FAF1: variants seen among roughly 807,000 people sequenced by gnomAD.
FAF1 encodes the protein Fas associated factor 1, also known as FAS-associated factor 1.
Under a neutral mutation model 92.5 loss-of-function variants are expected in FAF1, and 25 were observed. The observed-to-expected ratio is 0.27, with a 90% CI of 0.20 to 0.38. The LOEUF (loss-of-function observed/expected upper bound fraction) is 0.38, where lower values mean the gene tolerates loss of function less well. Among genes scored for constraint, FAF1 ranks in the 10% least tolerant of loss-of-function variants. The pLI, the probability that FAF1 is intolerant of heterozygous loss-of-function variation, is 1.00. For synonymous variants in FAF1, 234 were observed against 273.2 expected (o/e 0.86, Z 1.42); for missense variants, 636 against 793.3 (o/e 0.80, Z 2.38).
intron 2 of FAF1, among the ~76,000 whole-genome samples, chr1:50,815,128 A>G (rs761650864): frequency 6.6e-6 from 1 of 152,060 alleles, no homozygotes; most frequent in Non-Finnish European, 1.5e-5. Context: ...ACATCTGCCG[A>G]TTTGTTACAT....
At chr1:50,496,548 C>T (rs1251144145) in intron 15 of FAF1, among the ~76,000 whole-genome samples, 1 of 152,204 alleles carries the variant, frequency 6.6e-6, no homozygotes, top group African/African-American at 2.4e-5. Flanking sequence ...AGAAGCCCCA[C>T]TGTGACCAGA....
At chr1:50,566,178 T>C (rs1010461042) in intron 13 of FAF1, among the ~76,000 whole-genome samples, 1 of 152,108 alleles carries the variant, frequency 6.6e-6, no homozygotes, top group Admixed American at 6.5e-5. Flanking sequence ...AATCATGTTC[T>C]TTTCTGATTC....
intron 2 of FAF1, among the ~76,000 whole-genome samples, chr1:50,807,290 G>C (rs890117728): frequency 6.6e-6 from 1 of 152,166 alleles, no homozygotes; most frequent in Non-Finnish European, 1.5e-5. Context: ...CTTCAGACTG[G>C]GTAATTTATA....
chr1:50,659,147 T>G (rs1420697486), intron 7 of FAF1, among the ~76,000 whole-genome samples: 1 of 151,662 alleles, frequency 6.6e-6, no homozygotes, highest in Non-Finnish European at 1.5e-5. Context: ...CAGCTTTGTA[T>G]AAAATGATAC....
intron 2 of FAF1, among the ~76,000 whole-genome samples, chr1:50,837,888 C>T (rs1333602505): frequency 1.3e-5 from 2 of 151,976 alleles, no homozygotes; most frequent in Non-Finnish European, 2.9e-5. Context: ...GGACTACAGG[C>T]GTGTGACACC....
chr1:50,873,669 C>T (rs2124682392), intron 1 of FAF1, among the ~76,000 whole-genome samples: 1 of 152,290 alleles, frequency 6.6e-6, no homozygotes, highest in African/African-American at 2.4e-5. Flanking sequence ...CTAGGGATTT[C>T]TGAAAAACCT....
chr1:50,530,278 T>G lies in FAF1; in HGVS notation c.1494+5091A>C, dbSNP rs187062602. 3.2e-3 allele frequency among the ~76,000 whole-genome samples: 454 copies of G among 141,968 alleles called. 3 individuals are homozygous for G. Among genetic ancestry groups the G allele is most frequent in the African/African-American group, 0.011 (431 of 39,334 alleles). The allele number at this position is 141,968 out of a possible 152,430, so 93.1% of individuals were successfully genotyped here. A position where few individuals can be genotyped will look rare whatever the true frequency, so the allele number is the denominator to read the frequency against. ...GTGTGTGTGTGTGTGTGTGTGTGTA[T>G]GTATATATGTATATATGTATGAGTG... On this transcript the variant is annotated intron_variant, in intron 15 of 18. Transcript: ENST00000396153.
At chr1:50,476,686 T>C (rs1354143986) in intron 17 of FAF1, among the ~76,000 whole-genome samples, 5 of 152,120 alleles carry the variant, frequency 3.3e-5, no homozygotes, top group African/African-American at 4.8e-5. Context: ...TTCACAGCCT[T>C]AACATTCGTA....
chr1:50,808,241 T>C (rs75599831), intron 2 of FAF1, among the ~76,000 whole-genome samples: 2,248 of 152,264 alleles, frequency 0.015, 56 homozygotes, highest in African/African-American at 0.052. Flanking sequence ...AGACCTGACT[T>C]ACCAGAACTC....
At chr1:50,621,391 CTTTTTTTTTT>C (rs36053834) in intron 8 of FAF1, among the ~76,000 whole-genome samples, 894 of 89,228 alleles carry the variant, frequency 0.01, 6 homozygotes, top group Middle Eastern at 0.037. Flanking sequence ...TTCTTTTTTT[CTTTTTTTTTT>C]TTTTTTTTTT....
chr1:50,768,253 C>T (rs1039887097), intron 4 of FAF1, among the ~76,000 whole-genome samples: 10 of 152,062 alleles, frequency 6.6e-5, no homozygotes, highest in Non-Finnish European at 1.5e-4. Context: ...CCTAACTATC[C>T]TAAATATATG....
intron 15 of FAF1, among the ~76,000 whole-genome samples, chr1:50,494,923 A>AT (rs1557968813): frequency 6.6e-6 from 1 of 152,180 alleles, no homozygotes; most frequent in African/African-American, 2.4e-5. Context: ...CCTGAGTATT[A>AT]TGATGAGTTG....
rs80336075 is a variant in FAF1, at chr1:50,689,291, A to C, written c.657+16495T>G. On this transcript the variant is annotated intron_variant, in intron 7 of 18. Transcript: ENST00000396153. ...CTAGATATATAACAAGAGAACTGAA[A>C]ACATATGTCCAGGCCAGGCGCAGTG... 5.3e-3 allele frequency among the ~76,000 whole-genome samples: 812 copies of C among 152,222 alleles called. 20 individuals carry two copies. In the East Asian group the frequency reaches 0.084, roughly 16 times the overall value.
At chr1:50,759,456 C>G (rs1377472949) in intron 4 of FAF1, among the ~76,000 whole-genome samples, 3 of 151,862 alleles carry the variant, frequency 2.0e-5, no homozygotes, top group Non-Finnish European at 4.4e-5. Context: ...CCAATTTCAT[C>G]CATGTCCCTA....
At chr1:50,499,718 TC>T (rs1646958289) in intron 15 of FAF1, among the ~76,000 whole-genome samples, 1 of 152,152 alleles carries the variant, frequency 6.6e-6, no homozygotes, top group African/African-American at 2.4e-5. Context: ...AGCAACCCCT[TC>T]CCCTTCCCTC....
chr1:50,564,191 C>A (rs968127574), intron 13 of FAF1, among the ~76,000 whole-genome samples: 1 of 151,198 alleles, frequency 6.6e-6, no homozygotes, highest in Admixed American at 6.7e-5. Context: ...AGTCTCTTCC[C>A]ATATTGGATA....
chr1:50,531,950 C>T (rs1648194896), intron 15 of FAF1, among the ~76,000 whole-genome samples: 1 of 152,108 alleles, frequency 6.6e-6, no homozygotes, highest in South Asian at 2.1e-4. Context: ...GCCTCCAAAC[C>T]TGTTCACTGA....
intron 8 of FAF1, among the ~76,000 whole-genome samples, chr1:50,620,159 G>A (rs564486353): frequency 4.6e-5 from 7 of 152,198 alleles, no homozygotes; most frequent in Admixed American, 3.3e-4. Flanking sequence ...CGCCCGCCTC[G>A]GCCTCCCAAA....
Position 50,819,634 on chromosome 1 carries a change from T to TCA in FAF1, c.115-17959_115-17958dup, listed in dbSNP as rs1291338974. Among the ~76,000 whole-genome samples, 119 of 86,314 alleles carry TCA rather than the reference T, an allele frequency of 1.4e-3. 3 individuals are homozygous for TCA. The South Asian group carries it at 0.015, about 11-fold the overall frequency. 56.6% of individuals were successfully genotyped at this position (86,314 alleles called of 152,430 possible). On this transcript the variant is annotated intron_variant, in intron 2 of 18. Coordinates refer to ENST00000396153, the MANE Select transcript of FAF1 (RefSeq NM_007051.3). The stretch of plus-strand genomic sequence containing the variant: ...GAGCAAGACTGACCGACTGACTGAC[T>TCA]CACTCACACACACACACACACACAC...
Sources: allele counts gnomAD v4.1 joint callset (sites outside exome capture counted in the v4.1 genomes callset), GRCh38; gene constraint gnomAD v4.1.1; transcripts MANE v1.5; gene names NCBI Gene and HGNC (gene_info 2026-07-23, HGNC 2026-07-21).